The following IQCE variants were observed in gnomAD, a reference collection of about 807,000 sequenced individuals.
The protein encoded by IQCE is IQ domain-containing protein E.
A neutral mutation model predicts 96.0 loss-of-function variants in IQCE; 115 were observed. That is an observed-to-expected ratio of 1.20 (90% CI 1.03 to 1.40). IQCE has a LOEUF of 1.40. Ranked by LOEUF, IQCE falls within the 40% of genes most tolerant of loss-of-function variation. The pLI, the probability that IQCE is intolerant of heterozygous loss-of-function variation, is 0.00. For synonymous variants in IQCE, 412 were observed against 371.2 expected (o/e 1.11, Z -1.26); for missense variants, 1,041 against 909.1 (o/e 1.15, Z -1.87).
intron 6 of IQCE, among the ~76,000 whole-genome samples, chr7:2,577,106 A>C (rs944888076): frequency 3.3e-5 from 5 of 151,950 alleles, no homozygotes; most frequent in Non-Finnish European, 7.4e-5. Flanking sequence ...TGACATCCAG[A>C]TTTCCCCCCA....
At chr7:2,608,190 C>A (rs1204663779) in intron 21 of IQCE, among the ~76,000 whole-genome samples, 2 of 152,222 alleles carry the variant, frequency 1.3e-5, no homozygotes, top group Non-Finnish European at 2.9e-5. Flanking sequence ...GGCAGCCCCC[C>A]AGTACCACTC....
Position 2,605,979 on chromosome 7 carries a change from T to C in IQCE, c.1847T>C (p.Leu616Pro). Reference sequence around the variant, plus strand: ...ATCCAGTCCGCTCTGCGGGCACACCTGGCCCGGGCCAGGCACAGGTGAGTC... The same window carrying C: ...ATCCAGTCCGCTCTGCGGGCACACCCGGCCCGGGCCAGGCACAGGTGAGTC... ...VIIQSALRAH[L>P]ARARHSATGK... is the part of the protein sequence containing the mutation. Residue 616 changes from leucine (L) to proline (P), a missense_variant, in exon 20 of 22, where the codon CTG becomes CCG. Transcript: ENST00000402050. 1 of 1,609,324 alleles carries C rather than the reference T, an allele frequency of 6.2e-7. No individual in the cohort carries two copies. Among genetic ancestry groups the C allele is most frequent in the South Asian group, 1.1e-5 (1 of 90,250 alleles).
chr7:2,582,578 A>G lies in IQCE; in HGVS notation c.631-2A>G. ...TGCCTGATGGGCACGTTCCCCGGGCAGGTCATTAACGGGCTGAAGCAGAGG... is the reference window on the plus strand; with the variant it reads ...TGCCTGATGGGCACGTTCCCCGGGCGGGTCATTAACGGGCTGAAGCAGAGG... On this transcript the variant is annotated splice_acceptor_variant, in intron 8 of 21. Coordinates refer to ENST00000402050, the MANE Select transcript of IQCE (RefSeq NM_152558.5). LOFTEE classifies it high-confidence loss of function. 4 of 1,613,920 alleles carry G rather than the reference A, an allele frequency of 2.5e-6. No individual in the cohort carries two copies. The highest frequency in any genetic ancestry group is 3.4e-6 in the Non-Finnish European group (4 of 1,179,886).
chr7:2,560,772 A>G (rs898380358), intron 1 of IQCE, among the ~76,000 whole-genome samples: 2 of 151,790 alleles, frequency 1.3e-5, no homozygotes, highest in African/African-American at 4.8e-5. Flanking sequence ...GCTGGCTAAC[A>G]CAGTGAAACC....
rs772379126 is a variant in IQCE, at chr7:2,611,847, T to TC, written c.*1687dup. 1 of 152,248 alleles carries TC rather than the reference T, an allele frequency of 6.6e-6. No individual in the cohort carries two copies. Among genetic ancestry groups the TC allele is most frequent in the Non-Finnish European group, 1.5e-5 (1 of 68,070 alleles). The allele number at this position is 152,248 out of a possible 1,614,324, so 9.4% of individuals were successfully genotyped here. A position where few individuals can be genotyped will look rare whatever the true frequency, so the allele number is the denominator to read the frequency against. On this transcript the variant is annotated 3_prime_UTR_variant, in exon 22 of 22. Transcript: ENST00000402050. ...GTGGGTTGCCAAGTCCATTTTTTTT[T>TC]CCACTGAACTGGCTGGTAACTTGAT...
intron 1 of IQCE, 119 bp downstream of exon 1, chr7:2,559,336 A>T: frequency 2.2e-6 from 1 of 460,402 alleles, no homozygotes; most frequent in East Asian, 4.5e-5. Context: ...GACGGGGCGC[A>T]CGGCCGGGTG....
chr7:2,564,993 A>C (rs1403241232), intron 1 of IQCE, among the ~76,000 whole-genome samples: 1 of 152,206 alleles, frequency 6.6e-6, no homozygotes, highest in Admixed American at 6.5e-5. Flanking sequence ...ACACAGGCTG[A>C]TTGAGCTTAA....
At chr7:2,569,602 C>G (rs2128434551) in intron 3 of IQCE, among the ~76,000 whole-genome samples, 1 of 152,264 alleles carries the variant, frequency 6.6e-6, no homozygotes. Flanking sequence ...TAATGCCGCT[C>G]TCGTGTACAG....
At chr7:2,586,860 G>A (rs1208417278) in intron 12 of IQCE, among the ~76,000 whole-genome samples, 1 of 152,180 alleles carries the variant, frequency 6.6e-6, no homozygotes, top group Non-Finnish European at 1.5e-5. Flanking sequence ...GGCCCCTGAG[G>A]CCCAGCGGGG....
At position 2,594,027 on chromosome 7, in the gene IQCE, C is replaced by T. The variant is rs558136268; in HGVS notation, c.1350-859C>T. Among the ~76,000 whole-genome samples the T allele has an allele frequency of 1.1e-4, 16 of 151,758 alleles. No homozygotes were observed. The East Asian group carries it at 2.5e-3, about 24-fold the overall frequency. ...CTGTAATCGCAGCACTTTGGGAGGC[C>T]GAGGCGGGCAGATCGTGAGGTCAGG... On this transcript the variant is annotated intron_variant, in intron 15 of 21. Transcript: ENST00000402050.
rs768233811 is a variant in IQCE, at chr7:2,607,127, T to C, written c.1869T>C (p.Ala623=). The change falls in exon 21 of 22, where the codon GCT becomes GCC. Residue 623 remains alanine, a synonymous_variant. Transcript: ENST00000402050. ...RAHLARARHS[A]TGKRTTTAAS... ...GGCGTTTTCTGTTTTTTTCCAGTGC[T>C]ACCGGTAAAAGAACCACCACCGCAG... 10 of 1,597,902 alleles carry C rather than the reference T, an allele frequency of 6.3e-6. No individual in the cohort carries two copies. The highest frequency in any genetic ancestry group is 8.5e-6 in the Non-Finnish European group (10 of 1,173,398).
chr7:2,589,907 A>C lies in IQCE; in HGVS notation c.1045A>C (p.Lys349Gln), dbSNP rs1783446406. Residue 349 changes from lysine to glutamine, a missense_variant and splice_region_variant, in exon 14 of 22, where the codon AAA (lysine) becomes CAA (glutamine). Transcript: ENST00000402050. ...TAACACATGTCTGTGTTGCCTCCAG[A>C]AACTAAGTGTGATGGAGAGCTCAAA... ...LLRRIVELEKKLSVMESSKSH... is the reference protein window; with the variant it reads ...LLRRIVELEKQLSVMESSKSH... The C allele has an allele frequency of 6.2e-7, 1 of 1,613,638 alleles. No homozygotes were observed. Among genetic ancestry groups the C allele is most frequent in the Non-Finnish European group, 8.5e-7 (1 of 1,179,914 alleles).
chr7:2,603,588 G>A (rs990776572), intron 18 of IQCE, among the ~76,000 whole-genome samples: 1 of 152,220 alleles, frequency 6.6e-6, no homozygotes, highest in Non-Finnish European at 1.5e-5. Context: ...TGCGCAGTGT[G>A]TGGCGTGACG....
At chr7:2,569,599 G>A (rs926252466) in intron 3 of IQCE, among the ~76,000 whole-genome samples, 4 of 152,110 alleles carry the variant, frequency 2.6e-5, no homozygotes, top group African/African-American at 7.2e-5. Flanking sequence ...CTCTAATGCC[G>A]CTCTCGTGTA....
chr7:2,569,642 A>C (rs1057024477), intron 3 of IQCE, among the ~76,000 whole-genome samples: 7 of 152,066 alleles, frequency 4.6e-5, no homozygotes, highest in African/African-American at 1.7e-4. Flanking sequence ...GTGCGTACGA[A>C]TGTGTTCGTG....
chr7:2,589,074 A>G (rs1583464593), intron 13 of IQCE, among the ~76,000 whole-genome samples: 1 of 152,238 alleles, frequency 6.6e-6, no homozygotes, highest in African/African-American at 2.4e-5. Context: ...CATATTTACA[A>G]CATAGAAAAC....
At chr7:2,565,228 AGTGTGTGTGCGTGT>A (rs1336013653) in intron 1 of IQCE, among the ~76,000 whole-genome samples, 2 of 125,990 alleles carry the variant, frequency 1.6e-5, no homozygotes, top group Non-Finnish European at 3.4e-5. Context: ...TGCGTGCATG[AGTGTGTGTGCGTGT>A]GTGTGTGTGC....
At chr7:2,588,135 C>T (rs577182011) in intron 13 of IQCE, among the ~76,000 whole-genome samples, 6 of 152,316 alleles carry the variant, frequency 3.9e-5, no homozygotes, top group South Asian at 2.1e-4. Context: ...CAGTCCAGCC[C>T]GCCTGTGCAG....
At chr7:2,602,333 C>T (rs1443073718) in intron 18 of IQCE, among the ~76,000 whole-genome samples, 1 of 152,238 alleles carries the variant, frequency 6.6e-6, no homozygotes, top group African/African-American at 2.4e-5. Context: ...AGTGCAGTTC[C>T]AGCCATGACC....
Sources: gnomAD v4.1 joint callset for allele counts (sites outside exome capture counted in the v4.1 genomes callset) on GRCh38, gnomAD v4.1.1 for gene constraint, MANE v1.5 for transcripts, NCBI Gene and HGNC (gene_info 2026-07-23, HGNC 2026-07-21) for gene names.